The following ASIC2 variants were observed in gnomAD, a reference collection of about 807,000 sequenced individuals.
ASIC2 encodes the protein acid-sensing ion channel 2.
ASIC2 carries 25 observed loss-of-function variants against 57.3 expected under a neutral mutation model. The observed-to-expected ratio is 0.44, with a 90% confidence interval of 0.32 to 0.61. The LOEUF (loss-of-function observed/expected upper bound fraction) is 0.61. Among genes scored for constraint, ASIC2 ranks in the 20% least tolerant of loss-of-function variants. The pLI, the probability that ASIC2 is intolerant of heterozygous loss-of-function variation, is 0.06. For synonymous variants in ASIC2, 319 were observed against 307.5 expected (o/e 1.04, Z -0.39); for missense variants, 641 against 738.1 (o/e 0.87, Z 1.52).
intron 1 of ASIC2, among the ~76,000 whole-genome samples, chr17:33,658,668 G>T (rs1907152976): frequency 6.6e-6 from 1 of 152,076 alleles, no homozygotes; most frequent in South Asian, 2.1e-4. Flanking sequence ...CTTTATAAGT[G>T]CATGCATCCC....
At chr17:34,001,472 C>T (rs977371614) in intron 1 of ASIC2, 5 of 152,590 alleles carry the variant, frequency 3.3e-5, no homozygotes, top group African/African-American at 1.2e-4. Context: ...GCTGGTCTGG[C>T]ATCAGCATCC....
At chr17:33,506,128 C>T (rs554566904) in intron 1 of ASIC2, among the ~76,000 whole-genome samples, 3 of 151,690 alleles carry the variant, frequency 2.0e-5, no homozygotes, top group East Asian at 1.9e-4. Flanking sequence ...GGTGTGGTGG[C>T]TCACGCCTGT....
intron 1 of ASIC2, among the ~76,000 whole-genome samples, chr17:33,749,832 G>A (rs1006359511): frequency 6.6e-6 from 1 of 152,106 alleles, no homozygotes; most frequent in Non-Finnish European, 1.5e-5. Context: ...GGAGAAAGAG[G>A]GTTATTGGCA....
chr17:33,826,291 T>C (rs1290224531), intron 1 of ASIC2, among the ~76,000 whole-genome samples: 1 of 152,224 alleles, frequency 6.6e-6, no homozygotes, highest in Non-Finnish European at 1.5e-5. Flanking sequence ...AGAACTGCCC[T>C]GTGCATTTGT....
chr17:33,477,761 G>T (rs532838559), intron 1 of ASIC2, among the ~76,000 whole-genome samples: 1 of 152,288 alleles, frequency 6.6e-6, no homozygotes, highest in South Asian at 2.1e-4. Context: ...CCACACTAGG[G>T]ATGGTCAGGG....
At chr17:33,464,480 CTCTCTTTCTT>C (rs1567620904) in intron 1 of ASIC2, among the ~76,000 whole-genome samples, 2 of 73,758 alleles carry the variant, frequency 2.7e-5, no homozygotes, top group African/African-American at 1.2e-4. Flanking sequence ...TCTTTCTTTT[CTCTCTTTCTT>C]TCTTTCTTTC....
chr17:33,834,994 A>G (rs1235235028), intron 1 of ASIC2, among the ~76,000 whole-genome samples: 2 of 152,074 alleles, frequency 1.3e-5, no homozygotes, highest in African/African-American at 4.8e-5. Flanking sequence ...TCATATTTTC[A>G]ATAAATATTT....
chr17:34,137,266 T>C (rs535918408), intron 1 of ASIC2, among the ~76,000 whole-genome samples: 2 of 152,324 alleles, frequency 1.3e-5, no homozygotes, highest in South Asian at 2.1e-4. Flanking sequence ...GACATCAGGT[T>C]GAATTAACTG....
At chr17:33,109,907 TG>T (rs2092249890) in intron 2 of ASIC2, among the ~76,000 whole-genome samples, 1 of 152,300 alleles carries the variant, frequency 6.6e-6, no homozygotes, top group African/African-American at 2.4e-5. Flanking sequence ...TGACCATCTG[TG>T]GCTTTGAGGC....
At chr17:34,059,023 C>T (rs1399081256) in intron 1 of ASIC2, among the ~76,000 whole-genome samples, 1 of 152,168 alleles carries the variant, frequency 6.6e-6, no homozygotes, top group Admixed American at 6.5e-5. Context: ...GACTAGATTG[C>T]AGCTCCGGAC....
At chr17:33,856,456 G>GTA (rs1913933502) in intron 1 of ASIC2, among the ~76,000 whole-genome samples, 1 of 116,690 alleles carries the variant, frequency 8.6e-6, no homozygotes, top group African/African-American at 3.3e-5. Context: ...AGTAGTAATA[G>GTA]TCTTATCAGT....
intron 1 of ASIC2, among the ~76,000 whole-genome samples, chr17:33,992,546 G>A (rs551244619): frequency 1.4e-4 from 21 of 152,204 alleles, no homozygotes; most frequent in Admixed American, 7.9e-4. Flanking sequence ...TTAAGGGTGC[G>A]GGGTGAATTC....
At chr17:33,240,432 G>T (rs939429818) in intron 1 of ASIC2, among the ~76,000 whole-genome samples, 1 of 152,154 alleles carries the variant, frequency 6.6e-6, no homozygotes, top group Admixed American at 6.5e-5. Context: ...TGTTGAGGTT[G>T]GATAGAGAAA....
At chr17:33,266,935 G>A (rs1909486206) in intron 1 of ASIC2, among the ~76,000 whole-genome samples, 2 of 152,074 alleles carry the variant, frequency 1.3e-5, no homozygotes, top group African/African-American at 2.4e-5. Flanking sequence ...GGAGCGATTC[G>A]GGTGACACAA....
chr17:33,695,683 A>G (rs546422070), intron 1 of ASIC2, among the ~76,000 whole-genome samples: 24 of 152,310 alleles, frequency 1.6e-4, no homozygotes, highest in African/African-American at 5.5e-4. Context: ...TTACTTACAC[A>G]TAGGCACACA....
At chr17:34,012,927 G>A (rs750967791) in intron 1 of ASIC2, among the ~76,000 whole-genome samples, 1 of 152,136 alleles carries the variant, frequency 6.6e-6, no homozygotes, top group East Asian at 1.9e-4. Flanking sequence ...ACAACAGAAA[G>A]CACCATTTTC....
chr17:33,384,697 T>C (rs1909612721), intron 1 of ASIC2, among the ~76,000 whole-genome samples: 1 of 152,084 alleles, frequency 6.6e-6, no homozygotes, highest in South Asian at 2.1e-4. Flanking sequence ...CAGTCCTCTC[T>C]GTGCTCAGAT....
rs2142043580 is a variant in ASIC2 at position 34,038,753 on chromosome 17, G to T, written c.555+117225C>A. ...TTCATGGTATTCTTTTAACGTTAAC[G>T]TTTCATTTTCAGCTCCATTGGTCTT... On this transcript the variant is annotated intron_variant, in intron 1 of 9. Coordinates refer to the ASIC2 transcript ENST00000359872. The T allele has an allele frequency of 1.9e-6, 3 of 1,610,468 alleles. No individual in the cohort carries two copies. In the East Asian group the frequency reaches 6.7e-5, roughly 36 times the overall value.
intron 1 of ASIC2, among the ~76,000 whole-genome samples, chr17:33,999,609 A>G (rs1224920522): frequency 6.6e-6 from 1 of 152,218 alleles, no homozygotes; most frequent in African/African-American, 2.4e-5. Context: ...TTAAGCTGAT[A>G]ACAACTTAAC....
Sources: gnomAD v4.1 joint callset for allele counts (sites outside exome capture counted in the v4.1 genomes callset) on GRCh38, gnomAD v4.1.1 for gene constraint, MANE v1.5 for transcripts, NCBI Gene and HGNC (gene_info 2026-07-23, HGNC 2026-07-21) for gene names.